The following RAB3C variants were observed in gnomAD, a reference collection of about 807,000 sequenced individuals.
The protein encoded by RAB3C is ras-related protein Rab-3C.
A neutral mutation model predicts 26.4 loss-of-function variants in RAB3C; 17 were observed. That is an observed-to-expected ratio of 0.64 (90% CI 0.44 to 0.97). The LOEUF (loss-of-function observed/expected upper bound fraction) is 0.97. RAB3C is among the 50% of genes least tolerant of loss of function. The probability of loss-of-function intolerance (pLI) is 0.00; values close to 1 mark genes in which losing one functional copy is unlikely to be tolerated. For missense variants in RAB3C, 242 were observed against 281.9 expected, an observed-to-expected ratio of 0.86 and a Z score of 1.01; for synonymous variants, 91 against 95.9, an observed-to-expected ratio of 0.95 and a Z score of 0.30.
chr5:58,683,048 C>T (rs936740399), intron 2 of RAB3C, among the ~76,000 whole-genome samples: 1 of 152,048 alleles, frequency 6.6e-6, no homozygotes, highest in Non-Finnish European at 1.5e-5. Flanking sequence ...TTTTTTGTAC[C>T]TTCAGCCTAC....
At chr5:58,596,472 T>G (rs1746255636) in intron 1 of RAB3C, among the ~76,000 whole-genome samples, 1 of 142,010 alleles carries the variant, frequency 7.0e-6, no homozygotes, top group African/African-American at 2.6e-5. Flanking sequence ...ATATGCAAGA[T>G]TTTACATATA....
intron 2 of RAB3C, among the ~76,000 whole-genome samples, chr5:58,718,717 G>T (rs1404548501): frequency 1.3e-5 from 2 of 152,008 alleles, no homozygotes; most frequent in African/African-American, 4.8e-5. Context: ...TTTAGAGGCT[G>T]GTTTATTAGT....
intron 2 of RAB3C, among the ~76,000 whole-genome samples, chr5:58,697,408 G>A (rs1748737671): frequency 6.6e-6 from 1 of 152,146 alleles, no homozygotes. Flanking sequence ...TGTTGATTTG[G>A]GGTGGAGAGT....
rs553997136 is a variant in RAB3C at position 58,845,962 on chromosome 5, A to T, written c.497-5202A>T. On this transcript the variant is annotated intron_variant, in intron 4 of 4. Transcript: ENST00000282878. ...TTTTTATAAAATGGTCTCATATGAG[A>T]TATGGTCCTTTATGTCAGGCTTTTT... Among the ~76,000 whole-genome samples, 4 of 151,908 alleles carry T rather than the reference A, an allele frequency of 2.6e-5. No individual in the cohort carries two copies. In the South Asian group the frequency reaches 6.2e-4, roughly 24 times the overall value.
In RAB3C at chr5:58,617,858, G is replaced by A. The variant is rs1392070214; in HGVS notation, c.240G>A (p.Lys80=). The A allele has an allele frequency of 1.9e-6, 3 of 1,608,002 alleles. No individual in the cohort carries two copies. In the South Asian group the frequency reaches 3.3e-5, roughly 18 times the overall value. ...TATTCAAAAATGAAAAGAGAATCAA[G>A]CTTCAGATTTGGGTAAGTGGCTTTG... ...KTVFKNEKRI[K]LQIWDTAGQE... The change falls in exon 2 of 5, where the codon AAG becomes AAA. Residue 80 remains lysine (K), a synonymous_variant. Coordinates refer to ENST00000282878, the MANE Select transcript of RAB3C (RefSeq NM_138453.4).
rs776796474 is a variant in RAB3C at position 58,825,135 on chromosome 5, C to A, written c.469C>A (p.Arg157=). 6.8e-6 allele frequency: 11 copies of A among 1,611,380 alleles called. No homozygotes were observed. The East Asian group carries it at 1.8e-4, about 26-fold the overall frequency. ...MEDERVISTE[R]GQHLGEQLGF... ...AGACGAGCGGGTCATCTCAACTGAGCGAGGTCAACATTTAGGAGAACAGCT... is the reference window on the plus strand; with the variant it reads ...AGACGAGCGGGTCATCTCAACTGAGAGAGGTCAACATTTAGGAGAACAGCT... The change falls in exon 4 of 5, where the codon CGA becomes AGA. Residue 157 remains arginine, a synonymous_variant. Transcript: ENST00000282878.
chr5:58,746,383 G>A (rs1001854278), intron 3 of RAB3C, among the ~76,000 whole-genome samples: 1 of 152,170 alleles, frequency 6.6e-6, no homozygotes, highest in Non-Finnish European at 1.5e-5. Context: ...ACATCACTCA[G>A]GGGAGAGAGA....
chr5:58,718,890 A>G (rs920644030), intron 2 of RAB3C, among the ~76,000 whole-genome samples: 4 of 152,064 alleles, frequency 2.6e-5, no homozygotes, highest in African/African-American at 9.7e-5. Flanking sequence ...TTCATTCCGA[A>G]TGAAACAAGA....
intron 4 of RAB3C, among the ~76,000 whole-genome samples, chr5:58,845,931 G>A (rs1486361960): frequency 6.6e-6 from 1 of 151,692 alleles, no homozygotes; most frequent in East Asian, 1.9e-4. Flanking sequence ...TACCTATTCT[G>A]GGCATTTTTT....
chr5:58,742,677 A>G (rs1254278818), intron 3 of RAB3C, among the ~76,000 whole-genome samples: 3 of 152,198 alleles, frequency 2.0e-5, no homozygotes, highest in Admixed American at 1.3e-4. Context: ...TTAAATATGT[A>G]TATCAATATG....
At position 58,799,371 on chromosome 5, in the gene RAB3C, G is replaced by C. The variant is rs1293194869; in HGVS notation, c.372-25667G>C. On this transcript the variant is annotated intron_variant, in intron 3 of 4. Transcript: ENST00000282878. ...CTTTAATTTTTTTTTTTAATGAAGA[G>C]TTGGGGAAGAAAGGGTAGTATTATT... Among the ~76,000 whole-genome samples, 4 of 152,056 alleles carry C rather than the reference G, an allele frequency of 2.6e-5. No homozygotes were observed. In the East Asian group the frequency reaches 7.8e-4, roughly 29 times the overall value.
intron 1 of RAB3C, among the ~76,000 whole-genome samples, chr5:58,592,122 C>A (rs1746145231): frequency 6.6e-6 from 1 of 152,098 alleles, no homozygotes; most frequent in East Asian, 1.9e-4. Context: ...CCATCTCGAA[C>A]TCCTGACCTC....
chr5:58,723,096 T>C (rs906814430), intron 2 of RAB3C, among the ~76,000 whole-genome samples: 1 of 151,822 alleles, frequency 6.6e-6, no homozygotes, highest in African/African-American at 2.4e-5. Flanking sequence ...TTGGTCTCTC[T>C]GGTCTAATGC....
chr5:58,842,928 A>G (rs1410775235), intron 4 of RAB3C, among the ~76,000 whole-genome samples: 1 of 152,236 alleles, frequency 6.6e-6, no homozygotes, highest in Non-Finnish European at 1.5e-5. Flanking sequence ...GAACTTGTAA[A>G]TGAAGCCAAC....
intron 3 of RAB3C, among the ~76,000 whole-genome samples, chr5:58,761,223 C>T (rs536604258): frequency 6.6e-6 from 1 of 152,074 alleles, no homozygotes; most frequent in Admixed American, 6.6e-5. Flanking sequence ...AATTTTTTTA[C>T]AATTAAATCA....
chr5:58,656,706 A>T (rs1747779776), intron 2 of RAB3C, among the ~76,000 whole-genome samples: 1 of 152,182 alleles, frequency 6.6e-6, no homozygotes, highest in Non-Finnish European at 1.5e-5. Flanking sequence ...TATAAGAGGA[A>T]ATGACACAAA....
At chr5:58,816,937 C>CT (rs1376701657) in intron 3 of RAB3C, 43 of 152,318 alleles carry the variant, frequency 2.8e-4, no homozygotes, top group Admixed American at 2.8e-3. Context: ...CAGCTGGGTT[C>CT]CTTGGGGCAT....
intron 2 of RAB3C, among the ~76,000 whole-genome samples, chr5:58,634,781 T>G (rs568320099): frequency 1.1e-4 from 16 of 152,128 alleles, no homozygotes; most frequent in Middle Eastern, 3.2e-3. Flanking sequence ...TTATAAACTT[T>G]GGGCCCCACA....
intron 1 of RAB3C, among the ~76,000 whole-genome samples, chr5:58,594,869 C>CTTT (rs1746214873): frequency 1.2e-5 from 1 of 82,540 alleles, no homozygotes. Flanking sequence ...TTTTTTTTTA[C>CTTT]CCCAGTGGGA....
Sources: gnomAD v4.1 joint callset for allele counts (sites outside exome capture counted in the v4.1 genomes callset) on GRCh38, gnomAD v4.1.1 for gene constraint, MANE v1.5 for transcripts, NCBI Gene and HGNC (gene_info 2026-07-23, HGNC 2026-07-21) for gene names.